The following SLA variants were observed in gnomAD, a reference collection of about 807,000 sequenced individuals.
The protein encoded by SLA is Src like adaptor.
A neutral mutation model predicts 30.3 loss-of-function variants in SLA; 16 were observed. The ratio of observed to expected loss-of-function variants is 0.53; its 90% CI spans 0.36 to 0.80. The LOEUF (loss-of-function observed/expected upper bound fraction) is 0.80. Ranked by LOEUF, SLA falls within the 30% of genes least tolerant of loss-of-function variation. SLA has a pLI of 0.01. For missense variants in SLA, 310 were observed against 345.2 expected, an observed-to-expected ratio of 0.90 and a Z score of 0.81; for synonymous variants, 143 against 137.8, an observed-to-expected ratio of 1.04 and a Z score of -0.26.
chr8:133,084,734 G>A (rs969351743), intron 1 of SLA, among the ~76,000 whole-genome samples: 1 of 152,230 alleles, frequency 6.6e-6, no homozygotes, highest in African/African-American at 2.4e-5. Flanking sequence ...GTGCCCGGGA[G>A]AGACCCCTTA....
intron 1 of SLA, among the ~76,000 whole-genome samples, chr8:133,100,733 G>A (rs1849112151): frequency 6.6e-6 from 1 of 152,282 alleles, no homozygotes; most frequent in Admixed American, 6.5e-5. Flanking sequence ...GGTATGCTGG[G>A]TACTGAAATG....
intron 1 of SLA, among the ~76,000 whole-genome samples, chr8:133,080,575 C>A (rs557449283): frequency 4.6e-5 from 7 of 152,272 alleles, no homozygotes; most frequent in African/African-American, 1.4e-4. Flanking sequence ...AAGCAGCTGC[C>A]CCAAACTCAG....
chr8:133,056,845 G>C (rs1300033297), intron 3 of SLA, among the ~76,000 whole-genome samples: 1 of 152,168 alleles, frequency 6.6e-6, no homozygotes, highest in Non-Finnish European at 1.5e-5. Flanking sequence ...AGGACTAAAA[G>C]CTGGTCTGTG....
At position 133,040,043 on chromosome 8, in the gene SLA, G is replaced by A; in HGVS notation, c.572C>T (p.Pro191Leu). The A allele has an allele frequency of 6.4e-7, 1 of 1,552,596 alleles. No homozygotes were observed. Residue 191 changes from proline to leucine, a missense_variant, in exon 8 of 9, where the codon CCT becomes CTT. Coordinates refer to ENST00000338087, the MANE Select transcript of SLA (RefSeq NM_001045556.3). ...CACAGTCTTCTGACGCAAGGTGACA[G>A]GTGAGCTGGAGGCCCTCACTGCTGG... ...AAPAVRASSS[P>L]VTLRQKTVDW... is the part of the protein sequence containing the mutation.
chr8:133,059,867 C>T (rs1842108506), intron 3 of SLA, among the ~76,000 whole-genome samples: 1 of 152,184 alleles, frequency 6.6e-6, no homozygotes, highest in African/African-American at 2.4e-5. Context: ...CTTGGAGATC[C>T]ATCTCAAAAT....
chr8:133,091,630 A>G (rs7813333), intron 1 of SLA, among the ~76,000 whole-genome samples: 5,490 of 151,298 alleles, frequency 0.036, 340 homozygotes, highest in African/African-American at 0.13. Flanking sequence ...GGGTGTGTCT[A>G]TGTGTGTGTA....
At chr8:133,098,791 C>A (rs1848820879) in intron 1 of SLA, among the ~76,000 whole-genome samples, 1 of 152,098 alleles carries the variant, frequency 6.6e-6, no homozygotes, top group Non-Finnish European at 1.5e-5. Flanking sequence ...GATCTGGGAC[C>A]ATGGTGTTCA....
At chr8:133,061,302 C>T (rs1411320272) in intron 2 of SLA, among the ~76,000 whole-genome samples, 1 of 152,216 alleles carries the variant, frequency 6.6e-6, no homozygotes, top group Non-Finnish European at 1.5e-5. Flanking sequence ...AGCCTCCATG[C>T]CTGGCCAAGT....
At chr8:133,070,119 G>A (rs1843775209) in intron 2 of SLA, among the ~76,000 whole-genome samples, 1 of 151,484 alleles carries the variant, frequency 6.6e-6, no homozygotes, top group African/African-American at 2.4e-5. Flanking sequence ...GCTAGTAAAT[G>A]TCAAACAATC....
intron 7 of SLA, among the ~76,000 whole-genome samples, chr8:133,042,693 T>C (rs1267056643): frequency 4.0e-5 from 5 of 125,606 alleles, no homozygotes; most frequent in East Asian, 2.2e-4. Context: ...TTTTTTTTTT[T>C]TTTTTTTTTT....
chr8:133,063,535 T>C (rs1842683251), intron 2 of SLA: 1 of 151,686 alleles, frequency 6.6e-6, no homozygotes, highest in African/African-American at 2.4e-5. Context: ...AAACTTGCAT[T>C]GTTGAGATTG....
chr8:133,098,085 A>G (rs1848702390), intron 1 of SLA, among the ~76,000 whole-genome samples: 1 of 152,162 alleles, frequency 6.6e-6, no homozygotes, highest in African/African-American at 2.4e-5. Flanking sequence ...CCAAGCACTC[A>G]CATACAGCAT....
chr8:133,038,547 A>G lies in SLA; in HGVS notation c.808T>C (p.Ser270Pro). Residue 270 changes from serine (S) to proline (P), a missense_variant, in exon 9 of 9, where the codon TCA (serine) becomes CCA (proline). Transcript: ENST00000338087. ...GGCTAGTCCTCAAAGTAAGGTGGTG[A>G]TGAGAAGAATGAGCTCTTTCTCTTG... ...GSKRKSSFFS[S>P]PPYFED 1.2e-6 allele frequency: 2 copies of G among 1,613,432 alleles called. No individual in the cohort carries two copies. The highest frequency in any genetic ancestry group is 1.7e-6 in the Non-Finnish European group (2 of 1,179,326).
At chr8:133,044,762 G>A (rs1156248699) in intron 7 of SLA, among the ~76,000 whole-genome samples, 1 of 152,218 alleles carries the variant, frequency 6.6e-6, no homozygotes, top group Non-Finnish European at 1.5e-5. Flanking sequence ...CACTTCGAGA[G>A]AGGGCAAATT....
intron 2 of SLA, among the ~76,000 whole-genome samples, chr8:133,069,304 G>A (rs1212016932): frequency 2.0e-5 from 3 of 152,190 alleles, no homozygotes; most frequent in Admixed American, 2.0e-4. Context: ...CAAGCAAGAT[G>A]GGAATCAGCA....
chr8:133,040,252 G>T, intron 7 of SLA, 122 bp from the exon 8 acceptor site: 1 of 1,066,978 alleles, frequency 9.4e-7, no homozygotes, highest in Non-Finnish European at 1.3e-6. Flanking sequence ...CTGGGCCTGA[G>T]ATTTCAAAGG....
At chr8:133,044,955 A>T (rs140350863) in intron 7 of SLA, 29 bp downstream of exon 7, 4 of 1,612,962 alleles carry the variant, frequency 2.5e-6, no homozygotes, top group Non-Finnish European at 3.4e-6. Context: ...TCCCACCATC[A>T]CAATCACTCC....
At chr8:133,060,941 G>A (rs971973339) in intron 2 of SLA, among the ~76,000 whole-genome samples, 21 of 152,202 alleles carry the variant, frequency 1.4e-4, no homozygotes, top group Non-Finnish European at 2.9e-4. Flanking sequence ...CGGTTTTCAA[G>A]TTAACCACCC....
At chr8:133,082,149 G>A (rs1342270533) in intron 1 of SLA, among the ~76,000 whole-genome samples, 2 of 152,186 alleles carry the variant, frequency 1.3e-5, no homozygotes, top group Non-Finnish European at 2.9e-5. Flanking sequence ...TGTTGGTGGT[G>A]TTGGGTGTTG....
Sources: allele counts gnomAD v4.1 joint callset (sites outside exome capture counted in the v4.1 genomes callset), GRCh38; gene constraint gnomAD v4.1.1; transcripts MANE v1.5; gene names NCBI Gene and HGNC (gene_info 2026-07-23, HGNC 2026-07-21).